The following SDK1 variants were observed in gnomAD, a reference collection of about 807,000 sequenced individuals.
SDK1 encodes the protein protein sidekick-1.
A neutral mutation model predicts 245.5 loss-of-function variants in SDK1; 157 were observed. The ratio of observed to expected loss-of-function variants is 0.64; its 90% CI spans 0.56 to 0.73. The LOEUF (loss-of-function observed/expected upper bound fraction) is 0.73, where lower values mean the gene tolerates loss of function less well. Ranked by LOEUF, SDK1 falls within the 30% of genes least tolerant of loss-of-function variation. The probability of loss-of-function intolerance (pLI) is 0.00; values close to 1 mark genes in which losing one functional copy is unlikely to be tolerated. For synonymous variants in SDK1, 1,647 were observed against 1,278.5 expected (o/e 1.29, Z -6.15); for missense variants, 3,583 against 3,002.3 (o/e 1.19, Z -4.52).
Position 3,791,687 on chromosome 7 carries a change from C to G in SDK1, c.714-29763C>G, listed in dbSNP as rs570804975. ...GTGCCCACTCAGCGGAATCCAATTT[C>G]CTGTCTCTGAAAGGAGAATCAGTTT... On this transcript the variant is annotated intron_variant, in intron 4 of 44. Transcript: ENST00000404826. 1.8e-4 allele frequency among the ~76,000 whole-genome samples: 27 copies of G among 152,272 alleles called. No individual in the cohort carries two copies. In the East Asian group the frequency reaches 5.0e-3, roughly 28 times the overall value.
intron 42 of SDK1, among the ~76,000 whole-genome samples, chr7:4,238,951 G>A (rs898634123): frequency 2.6e-5 from 4 of 152,068 alleles, no homozygotes; most frequent in African/African-American, 9.7e-5. Flanking sequence ...CTGCTCAGAC[G>A]TTGATGTTTT....
chr7:3,884,874 A>T (rs1210091129), intron 5 of SDK1, among the ~76,000 whole-genome samples: 1 of 152,182 alleles, frequency 6.6e-6, no homozygotes, highest in Non-Finnish European at 1.5e-5. Context: ...TCTGCTACAG[A>T]GTGGGCCTGG....
At chr7:4,207,456 A>T (rs1267649981) in intron 36 of SDK1, among the ~76,000 whole-genome samples, 3 of 152,210 alleles carry the variant, frequency 2.0e-5, no homozygotes, top group South Asian at 2.1e-4. Flanking sequence ...AAGCACATAA[A>T]AGCTAGACAA....
At chr7:4,081,984 G>C (rs1781089699) in intron 22 of SDK1, among the ~76,000 whole-genome samples, 1 of 152,154 alleles carries the variant, frequency 6.6e-6, no homozygotes, top group Non-Finnish European at 1.5e-5. Flanking sequence ...TTAACAAAAG[G>C]AAAACCAGAC....
intron 30 of SDK1, among the ~76,000 whole-genome samples, chr7:4,153,530 G>C (rs1241488084): frequency 6.6e-6 from 1 of 152,190 alleles, no homozygotes; most frequent in Non-Finnish European, 1.5e-5. Flanking sequence ...AGATTGCAGT[G>C]AGCTGAGATC....
intron 4 of SDK1, among the ~76,000 whole-genome samples, chr7:3,793,079 A>G (rs931707529): frequency 2.0e-5 from 3 of 152,228 alleles, no homozygotes; most frequent in African/African-American, 4.8e-5. Flanking sequence ...AAATGGGACA[A>G]TGACAAAAAT....
At chr7:3,511,298 C>T (rs1396088633) in intron 1 of SDK1, among the ~76,000 whole-genome samples, 3 of 152,136 alleles carry the variant, frequency 2.0e-5, no homozygotes, top group African/African-American at 7.2e-5. Flanking sequence ...TTTTTAGATG[C>T]AGAATAATAT....
intron 1 of SDK1, among the ~76,000 whole-genome samples, chr7:3,590,304 T>TTC: frequency 6.9e-6 from 1 of 145,956 alleles, no homozygotes; most frequent in East Asian, 2.0e-4. Flanking sequence ...CTGTTCCTTT[T>TTC]TTTTTTTTTT....
chr7:3,724,416 TAAATA>T (rs1334227495), intron 4 of SDK1, among the ~76,000 whole-genome samples: 2 of 152,030 alleles, frequency 1.3e-5, no homozygotes, highest in Admixed American at 6.6e-5. Flanking sequence ...GTACAAAACA[TAAATA>T]AAATAAAATA....
intron 1 of SDK1, among the ~76,000 whole-genome samples, chr7:3,495,931 T>C (rs994329392): frequency 1.3e-5 from 2 of 152,210 alleles, no homozygotes; most frequent in Non-Finnish European, 2.9e-5. Flanking sequence ...AAAGCTTCAG[T>C]TCACAGATTC....
chr7:4,268,666 C>T lies in SDK1; in HGVS notation c.*3282C>T, dbSNP rs777592784. On this transcript the variant is annotated 3_prime_UTR_variant, in exon 45 of 45. Transcript: ENST00000404826. ...GCATGGTTTTTATTTCTTACGCATT[C>T]TTGGCACACAGTGTAGCTATCCTCC... 34 of 1,367,716 alleles carry T rather than the reference C, an allele frequency of 2.5e-5. No individual in the cohort carries two copies. Among genetic ancestry groups the T allele is most frequent in the Non-Finnish European group, 3.1e-5 (32 of 1,021,990 alleles). 84.7% of individuals were successfully genotyped at this position (1,367,716 alleles called of 1,614,324 possible). A position where few individuals can be genotyped will look rare whatever the true frequency, so the allele number is the denominator to read the frequency against.
intron 1 of SDK1, among the ~76,000 whole-genome samples, chr7:3,403,851 A>ATAT (rs1436087182): frequency 2.2e-5 from 2 of 90,030 alleles, no homozygotes; most frequent in African/African-American, 1.4e-4. Flanking sequence ...ATATATATAT[A>ATAT]TATATATATA....
intron 44 of SDK1, among the ~76,000 whole-genome samples, chr7:4,248,159 C>T (rs79220655): frequency 6.6e-6 from 1 of 152,132 alleles, no homozygotes; most frequent in Non-Finnish European, 1.5e-5. Flanking sequence ...TGCATGCACA[C>T]ATGAACACAT....
intron 1 of SDK1, among the ~76,000 whole-genome samples, chr7:3,389,395 C>T (rs992168775): frequency 1.3e-5 from 2 of 151,996 alleles, no homozygotes; most frequent in African/African-American, 4.8e-5. Flanking sequence ...ATAAACAGAG[C>T]AAAGCAGAGT....
rs200737541 is a variant in SDK1, at chr7:4,051,630, C to A, written c.2719-8C>A. 36 of 1,608,516 alleles carry A rather than the reference C, an allele frequency of 2.2e-5. No individual in the cohort carries two copies. Among genetic ancestry groups the A allele is most frequent in the Admixed American group, 3.4e-5 (2 of 59,058 alleles). On this transcript the variant is annotated splice_region_variant and splice_polypyrimidine_tract_variant and intron_variant, in intron 18 of 44. Transcript: ENST00000404826. ...ACAGGCTGTCTTTTTCACCCTGTTC[C>A]ATCTCAGCTTCTGGCATGGCCGGCA...
chr7:3,682,721 AGT>A (rs974974968), intron 4 of SDK1, among the ~76,000 whole-genome samples: 4 of 29,054 alleles, frequency 1.4e-4, no homozygotes, highest in Non-Finnish European at 2.7e-4. Context: ...TTGGATTTAC[AGT>A]TTTTTTTTTT....
intron 4 of SDK1, among the ~76,000 whole-genome samples, chr7:3,683,329 A>G (rs1784167530): frequency 6.6e-6 from 1 of 152,192 alleles, no homozygotes; most frequent in Admixed American, 6.5e-5. Flanking sequence ...TAAGCCTTTT[A>G]TCTTTAAAAG....
At chr7:4,134,707 G>C (rs1348913439) in intron 28 of SDK1, 1 of 152,356 alleles carries the variant, frequency 6.6e-6, no homozygotes, top group Non-Finnish European at 1.5e-5. Context: ...CTCCCGGCAA[G>C]TCCTCACTCT....
chr7:4,218,197 A>T (rs759130062), intron 38 of SDK1, among the ~76,000 whole-genome samples: 4 of 152,166 alleles, frequency 2.6e-5, no homozygotes, highest in African/African-American at 4.8e-5. Context: ...TGAGGTCAGG[A>T]GTTTAAGACC....
Sources: allele counts gnomAD v4.1 joint callset (sites outside exome capture counted in the v4.1 genomes callset), GRCh38; gene constraint gnomAD v4.1.1; transcripts MANE v1.5; gene names NCBI Gene and HGNC (gene_info 2026-07-23, HGNC 2026-07-21).